H2BC18: variants seen among roughly 807,000 people sequenced by gnomAD.
H2BC18 encodes the protein histone H2B type 2-F.
In H2BC18, 8 loss-of-function variants were observed where a neutral mutation model predicts 6.3. That is an observed-to-expected ratio of 1.28 (90% CI 0.75 to 2.31). The LOEUF (loss-of-function observed/expected upper bound fraction) is 2.31. Among genes scored for constraint, H2BC18 ranks in the 30% most tolerant of loss-of-function variants. The pLI is 0.00. For synonymous variants in H2BC18, 104 were observed against 78.1 expected (o/e 1.33, Z -1.75); for missense variants, 106 against 174.5 (o/e 0.61, Z 2.21).
At chr1:149,789,138 T>A (rs1160469547) in intron 1 of H2BC18, among the ~76,000 whole-genome samples, 18 of 151,330 alleles carry the variant, frequency 1.2e-4, no homozygotes, top group African/African-American at 4.4e-4. Flanking sequence ...TTCCTCTTAA[T>A]ACAATCACTA....
chr1:149,790,568 ATT>A (rs1553751666), intron 1 of H2BC18, among the ~76,000 whole-genome samples: 1 of 145,820 alleles, frequency 6.9e-6, no homozygotes, highest in Admixed American at 6.8e-5. Flanking sequence ...TCCTTCCTCC[ATT>A]TCTTTCCTTC....
chr1:149,793,186 T>C lies in H2BC18; in HGVS notation c.378-9926A>G, dbSNP rs1553752398. ...ATCACAGGAAACGGGAGGACGGCGC[T>C]GGGCTCCCAGCAGGCGCCCCATTTT... is the stretch of plus-strand genomic sequence containing the variant. On this transcript the variant is annotated intron_variant, in intron 1 of 1. Coordinates refer to the H2BC18 transcript ENST00000545683. The C allele has an allele frequency of 1.4e-5, 18 of 1,278,426 alleles. 1 individual carries two copies. The Middle Eastern group carries it at 1.5e-3, about 108-fold the overall frequency. The allele number at this position is 1,278,426 out of a possible 1,614,324, so 79.2% of individuals were successfully genotyped here.
At chr1:149,810,555 T>A (rs1255176139), downstream of H2BC18, 9 of 151,912 alleles carry the variant, frequency 5.9e-5, no homozygotes, top group African/African-American at 2.2e-4. Context: ...AATTATAAGC[T>A]AAGATTTTCC....
intron 1 of H2BC18, chr1:149,784,049 G>A: frequency 6.2e-7 from 1 of 1,610,440 alleles, no homozygotes; most frequent in Non-Finnish European, 8.5e-7. Context: ...GGGTCAGCGT[G>A]TTCCAAGAGG....
At chr1:149,801,027 A>G (rs1242599232) in intron 1 of H2BC18, among the ~76,000 whole-genome samples, 1 of 152,226 alleles carries the variant, frequency 6.6e-6, no homozygotes, top group Admixed American at 6.5e-5. Context: ...TTGGGGCTGC[A>G]GTGAGTTGAG....
chr1:149,806,388 C>T (rs1295415276), intron 1 of H2BC18, among the ~76,000 whole-genome samples: 2 of 151,968 alleles, frequency 1.3e-5, no homozygotes, highest in African/African-American at 2.4e-5. Context: ...GTCAGGAGAT[C>T]GAGACCATCC....
chr1:149,784,130 C>A (rs1462322124), intron 1 of H2BC18: 2 of 1,611,698 alleles, frequency 1.2e-6, no homozygotes, highest in Non-Finnish European at 1.7e-6. Flanking sequence ...TTCTCAATGG[C>A]ACAGCCACTC....
At chr1:149,789,964 G>C (rs1226630457) in intron 1 of H2BC18, 3 of 1,610,728 alleles carry the variant, frequency 1.9e-6, no homozygotes, top group Non-Finnish European at 2.5e-6. Flanking sequence ...TCTAGGGCCA[G>C]GTTTCCCAAG....
At chr1:149,811,857 T>A (rs2091978699), downstream of H2BC18, 20 of 1,248,616 alleles carry the variant, frequency 1.6e-5, no homozygotes, top group Non-Finnish European at 2.3e-5. Flanking sequence ...TGACAAGTGT[T>A]TACAGCTGCT....
chr1:149,784,643 A>AATATATATATACATATTATGC (rs2091491078), intron 1 of H2BC18, among the ~76,000 whole-genome samples: 1 of 149,876 alleles, frequency 6.7e-6, no homozygotes, highest in Admixed American at 6.7e-5. Flanking sequence ...CAAAACTGCT[A>AATATATATATACATATTATGC]ATATATATAT....
intron 1 of H2BC18, among the ~76,000 whole-genome samples, chr1:149,802,878 C>G (rs1553753525): frequency 6.6e-6 from 1 of 152,194 alleles, no homozygotes; most frequent in Non-Finnish European, 1.5e-5. Flanking sequence ...ACTCTGCAAG[C>G]CAGCTTAGCC....
At chr1:149,802,114 G>T (rs1299641994) in intron 1 of H2BC18, among the ~76,000 whole-genome samples, 1 of 152,058 alleles carries the variant, frequency 6.6e-6, no homozygotes, top group Admixed American at 6.6e-5. Flanking sequence ...TTTCAGGGGG[G>T]CAGGCGGGAG....
At chr1:149,791,198 C>T in intron 1 of H2BC18, 2 of 1,606,098 alleles carry the variant, frequency 1.2e-6, no homozygotes, top group Non-Finnish European at 1.7e-6. Context: ...CCTCTGGTCT[C>T]TAAATAGTAT....
At chr1:149,811,561 A>T (rs2091973841), downstream of H2BC18, 2 of 249,996 alleles carry the variant, frequency 8.0e-6, no homozygotes, top group South Asian at 9.8e-5. Flanking sequence ...CATCTCGTTC[A>T]TTACTTTCAG....
chr1:149,800,236 TGG>T (rs782417682), intron 1 of H2BC18, among the ~76,000 whole-genome samples: 11 of 152,256 alleles, frequency 7.2e-5, no homozygotes, highest in Non-Finnish European at 1.5e-4. Flanking sequence ...GCACCTCCAC[TGG>T]GTGCGCCGCC....
chr1:149,803,536 C>G (rs2091892194), intron 1 of H2BC18: 1 of 152,138 alleles, frequency 6.6e-6, no homozygotes, highest in African/African-American at 2.4e-5. Context: ...CTCTCCCCCT[C>G]TCTTTCTGTC....
chr1:149,793,100 C>G (rs1553752352), intron 1 of H2BC18: 1 of 1,274,284 alleles, frequency 7.8e-7, no homozygotes, highest in Non-Finnish European at 1.0e-6. Context: ...CGCCAAGCCC[C>G]GGGGATGCTG....
chr1:149,808,793 T>A (rs1356604546), downstream of H2BC18, among the ~76,000 whole-genome samples: 1 of 152,022 alleles, frequency 6.6e-6, no homozygotes, highest in Non-Finnish European at 1.5e-5. Context: ...AAGAAAAAAA[T>A]TTTCCATAAT....
downstream of H2BC18, among the ~76,000 whole-genome samples, chr1:149,808,601 G>A (rs2091945006): frequency 6.6e-6 from 1 of 152,064 alleles, no homozygotes; most frequent in Admixed American, 6.6e-5. Context: ...CTGGCTGAGG[G>A]GCAAAAATTT....
Sources: gnomAD v4.1 joint callset for allele counts (sites outside exome capture counted in the v4.1 genomes callset) on GRCh38, gnomAD v4.1.1 for gene constraint, MANE v1.5 for transcripts, NCBI Gene and HGNC (gene_info 2026-07-23, HGNC 2026-07-21) for gene names.